GPC5: variants seen among roughly 807,000 people sequenced by gnomAD.
GPC5 encodes the protein glypican-5.
In GPC5, 47 loss-of-function variants were observed where a neutral mutation model predicts 53.9. That is an observed-to-expected ratio of 0.87 (90% confidence interval 0.69 to 1.11). The LOEUF (loss-of-function observed/expected upper bound fraction) is 1.11, where lower values mean the gene tolerates loss of function less well. Ranked by LOEUF, GPC5 falls within the 50% of genes most tolerant of loss-of-function variation. The probability of loss-of-function intolerance (pLI) is 0.00; values close to 1 mark genes in which losing one functional copy is unlikely to be tolerated. For synonymous variants in GPC5, 286 were observed against 263.3 expected (o/e 1.09, Z -0.84); for missense variants, 748 against 713.1 (o/e 1.05, Z -0.56).
intron 7 of GPC5, among the ~76,000 whole-genome samples, chr13:92,252,452 C>G (rs1275452157): frequency 6.6e-6 from 1 of 151,940 alleles, no homozygotes; most frequent in South Asian, 2.1e-4. Flanking sequence ...TAATATGAAA[C>G]TAGAAAAAAA....
chr13:92,721,274 A>T, intron 7 of GPC5, among the ~76,000 whole-genome samples: 1 of 152,046 alleles, frequency 6.6e-6, no homozygotes, highest in East Asian at 1.9e-4. Flanking sequence ...TGCTACCAAT[A>T]AACAAGCAGA....
At chr13:91,951,036 G>T (rs2040021570) in intron 6 of GPC5, among the ~76,000 whole-genome samples, 2 of 152,072 alleles carry the variant, frequency 1.3e-5, no homozygotes, top group Non-Finnish European at 1.5e-5. Flanking sequence ...TGATCACATT[G>T]TTTTATAAAA....
At chr13:92,771,130 G>A (rs1594495397) in intron 7 of GPC5, among the ~76,000 whole-genome samples, 2 of 152,036 alleles carry the variant, frequency 1.3e-5, no homozygotes, top group Admixed American at 1.3e-4. Context: ...AACAGAGTGA[G>A]ACCTCATTAC....
intron 7 of GPC5, among the ~76,000 whole-genome samples, chr13:92,150,162 G>T (rs1018436528): frequency 6.6e-6 from 1 of 151,712 alleles, no homozygotes; most frequent in Non-Finnish European, 1.5e-5. Context: ...TCTTTGGAAG[G>T]TTCATTAGAT....
At chr13:91,938,578 T>C (rs2039893072) in intron 6 of GPC5, among the ~76,000 whole-genome samples, 1 of 152,148 alleles carries the variant, frequency 6.6e-6, no homozygotes, top group Non-Finnish European at 1.5e-5. Context: ...ACAGAATAGA[T>C]GTCAAGGCCA....
At chr13:92,825,637 A>G (rs933710360) in intron 7 of GPC5, among the ~76,000 whole-genome samples, 4 of 152,158 alleles carry the variant, frequency 2.6e-5, no homozygotes, top group East Asian at 3.9e-4. Context: ...AACAGAGTAC[A>G]AAAGTGCTGT....
chr13:92,748,722 A>G (rs1279053034), intron 7 of GPC5, among the ~76,000 whole-genome samples: 2 of 152,140 alleles, frequency 1.3e-5, no homozygotes, highest in Admixed American at 1.3e-4. Context: ...TTTGAAGTAC[A>G]TTTTTATTTA....
intron 7 of GPC5, among the ~76,000 whole-genome samples, chr13:92,367,117 A>C (rs2043613073): frequency 6.6e-6 from 1 of 152,172 alleles, no homozygotes; most frequent in Non-Finnish European, 1.5e-5. Flanking sequence ...CACACCAAGA[A>C]ACAACTAAAT....
intron 6 of GPC5, among the ~76,000 whole-genome samples, chr13:92,054,032 C>CAGATAAAT: frequency 7.0e-6 from 1 of 142,568 alleles, no homozygotes; most frequent in South Asian, 2.3e-4. Flanking sequence ...AATTCCATTT[C>CAGATAAAT]AAATAAATAA....
At chr13:91,652,561 C>G (rs949743075) in intron 2 of GPC5, among the ~76,000 whole-genome samples, 3 of 152,072 alleles carry the variant, frequency 2.0e-5, no homozygotes, top group African/African-American at 7.2e-5. Flanking sequence ...AGCAACTAAA[C>G]GCAGGTAGGA....
At chr13:92,836,077 A>G (rs908693418) in intron 7 of GPC5, among the ~76,000 whole-genome samples, 8 of 151,972 alleles carry the variant, frequency 5.3e-5, no homozygotes, top group African/African-American at 1.9e-4. Flanking sequence ...TTATTTTGAC[A>G]TCTTTCCTCT....
intron 2 of GPC5, among the ~76,000 whole-genome samples, chr13:91,559,024 G>A (rs1012877577): frequency 4.6e-5 from 7 of 151,834 alleles, no homozygotes; most frequent in African/African-American, 1.7e-4. Flanking sequence ...GAGGGTTTTT[G>A]TCTTCTGATT....
At position 92,378,760 on chromosome 13, in the gene GPC5, A is replaced by C. The variant is rs189809907; in HGVS notation, c.1561+233771A>C. Among the ~76,000 whole-genome samples, 23 of 152,288 alleles carry C rather than the reference A, an allele frequency of 1.5e-4. No individual in the cohort carries two copies. In the East Asian group the frequency reaches 4.3e-3, roughly 28 times the overall value. On this transcript the variant is annotated intron_variant, in intron 7 of 7. Transcript: ENST00000377067. ...TCTATGTGTATGTTTTTACCTCTAC[A>C]TTTTAAGCACCCTAAGCACTGGGAT...
intron 7 of GPC5, among the ~76,000 whole-genome samples, chr13:92,253,458 A>G (rs2042705961): frequency 6.6e-6 from 1 of 152,058 alleles, no homozygotes; most frequent in Non-Finnish European, 1.5e-5. Flanking sequence ...GAGACCCACT[A>G]CAGAGATAGA....
intron 7 of GPC5, among the ~76,000 whole-genome samples, chr13:92,797,190 C>G (rs192152863): frequency 6.6e-6 from 1 of 151,960 alleles, no homozygotes; most frequent in East Asian, 1.9e-4. Context: ...ATTAAAGGAT[C>G]AAAATGTCAA....
At chr13:92,096,225 C>T (rs1390308204) in intron 6 of GPC5, among the ~76,000 whole-genome samples, 1 of 152,214 alleles carries the variant, frequency 6.6e-6, no homozygotes, top group African/African-American at 2.4e-5. Flanking sequence ...ATCATTGGCC[C>T]TAGTTGCCGA....
intron 7 of GPC5, among the ~76,000 whole-genome samples, chr13:92,418,615 C>T (rs143410275): frequency 2.6e-5 from 4 of 152,172 alleles, no homozygotes; most frequent in African/African-American, 7.2e-5. Context: ...AATATATGCT[C>T]ATAAATTTTT....
intron 3 of GPC5, among the ~76,000 whole-genome samples, chr13:91,721,407 T>C (rs573268544): frequency 6.6e-6 from 1 of 152,330 alleles, no homozygotes; most frequent in African/African-American, 2.4e-5. Context: ...AGTGTTGTGA[T>C]TACAGGCGTG....
At chr13:91,423,914 T>C (rs969666973) in intron 1 of GPC5, among the ~76,000 whole-genome samples, 1 of 152,204 alleles carries the variant, frequency 6.6e-6, no homozygotes, top group African/African-American at 2.4e-5. Context: ...ATACAATTTA[T>C]TTTTTAAACT....
Sources: gnomAD v4.1 joint callset for allele counts (sites outside exome capture counted in the v4.1 genomes callset) on GRCh38, gnomAD v4.1.1 for gene constraint, MANE v1.5 for transcripts, NCBI Gene and HGNC (gene_info 2026-07-23, HGNC 2026-07-21) for gene names.